Variants in ATXN10 observed in about 807,000 individuals in gnomAD.
The protein encoded by ATXN10 is ataxin-10.
A neutral mutation model predicts 52.9 loss-of-function variants in ATXN10; 28 were observed. That is an observed-to-expected ratio of 0.53 (90% CI 0.39 to 0.73). The LOEUF (loss-of-function observed/expected upper bound fraction) is 0.73. ATXN10 is among the 30% of genes least tolerant of loss of function. The probability of loss-of-function intolerance (pLI) is 0.00; values close to 1 mark genes in which losing one functional copy is unlikely to be tolerated. For missense variants in ATXN10, 565 were observed against 577.0 expected, an observed-to-expected ratio of 0.98 and a Z score of 0.21; for synonymous variants, 226 against 221.5, an observed-to-expected ratio of 1.02 and a Z score of -0.18.
rs1216369224 is a variant in ATXN10 at position 45,783,658 on chromosome 22, A to G, written c.1174-23301A>G. Reference sequence around the variant, plus strand: ...CCCTTATCCCCACCCACATCCTGACATTGGTAAGAGCAGTACCTGTTTCTG... The same window carrying G: ...CCCTTATCCCCACCCACATCCTGACGTTGGTAAGAGCAGTACCTGTTTCTG... On this transcript the variant is annotated intron_variant, in intron 9 of 11. Coordinates refer to ENST00000252934, the MANE Select transcript of ATXN10 (RefSeq NM_013236.4). The surrounding 1 kb of genome is among the most constrained non-coding windows in gnomAD (Gnocchi z 5.0). 6.6e-6 allele frequency among the ~76,000 whole-genome samples: 1 copy of G among 152,152 alleles called. No individual in the cohort carries two copies. Among genetic ancestry groups the G allele is most frequent in the Non-Finnish European group, 1.5e-5 (1 of 68,024 alleles).
chr22:45,672,785 G>C (rs1405494330), intron 1 of ATXN10: 1 of 152,538 alleles, frequency 6.6e-6, no homozygotes, highest in Non-Finnish European at 1.5e-5. Context: ...CAGGCAAAAA[G>C]AGAAGGTGCC....
intron 3 of ATXN10, among the ~76,000 whole-genome samples, chr22:45,694,238 T>C (rs1319977460): frequency 6.6e-6 from 1 of 152,160 alleles, no homozygotes; most frequent in Non-Finnish European, 1.5e-5. Context: ...ATCTTTCCTT[T>C]GGACAGTGGT....
chr22:45,792,203 G>T lies in ATXN10; in HGVS notation c.1174-14756G>T, dbSNP rs565860280. Among the ~76,000 whole-genome samples the T allele has an allele frequency of 9.2e-5, 14 of 152,236 alleles. No individual in the cohort carries two copies. In the South Asian group the frequency reaches 2.9e-3, roughly 32 times the overall value. ...AGAAATTATTCTGAAAGAATTAGAAGATTCAATGATATAAATTAGATTAAG... is the reference window on the plus strand; with the variant it reads ...AGAAATTATTCTGAAAGAATTAGAATATTCAATGATATAAATTAGATTAAG... On this transcript the variant is annotated intron_variant, in intron 9 of 11. Transcript: ENST00000252934.
intron 9 of ATXN10, among the ~76,000 whole-genome samples, chr22:45,760,023 G>A (rs1192915109): frequency 6.6e-6 from 1 of 152,194 alleles, no homozygotes; most frequent in African/African-American, 2.4e-5. Flanking sequence ...AAAGGAAGGA[G>A]GAACAGGGGG....
rs1305513991 is a variant in ATXN10, at chr22:45,781,249, G to C, written c.1174-25710G>C. Among the ~76,000 whole-genome samples the C allele has an allele frequency of 6.6e-6, 1 of 152,138 alleles. No homozygotes were observed. Among genetic ancestry groups the C allele is most frequent in the Non-Finnish European group, 1.5e-5 (1 of 68,024 alleles). On this transcript the variant is annotated intron_variant, in intron 9 of 11. Coordinates refer to ENST00000252934, the MANE Select transcript of ATXN10 (RefSeq NM_013236.4). The surrounding 1 kb of genome is among the most constrained non-coding windows in gnomAD (Gnocchi z 4.2). ...ACCCCTGCTAGGTGGTGTCAGAGAA[G>C]ATGGAGCTGGGAGCCAGGTTTTTAT...
rs1601588744 is a variant in ATXN10, at chr22:45,687,824, G to C, written c.117-1888G>C. ...ACCTGTAATCCCAGCACTTTGGGAG[G>C]CCGAGGTAGGCAGATCACGAGATCG... On this transcript the variant is annotated intron_variant, in intron 1 of 11. Transcript: ENST00000252934. Among the ~76,000 whole-genome samples, 3 of 152,310 alleles carry C rather than the reference G, an allele frequency of 2.0e-5. No individual in the cohort carries two copies. In the East Asian group the frequency reaches 5.8e-4, roughly 29 times the overall value.
chr22:45,745,156 G>A (rs143001065), intron 9 of ATXN10, among the ~76,000 whole-genome samples: 127 of 152,276 alleles, frequency 8.3e-4, no homozygotes, highest in East Asian at 2.3e-3. Flanking sequence ...CATGAAGAAA[G>A]CATTCTTCAG....
At chr22:45,785,274 A>T (rs894945235) in intron 9 of ATXN10, among the ~76,000 whole-genome samples, 17 of 152,154 alleles carry the variant, frequency 1.1e-4, no homozygotes, top group African/African-American at 4.1e-4. Flanking sequence ...TTCTTGATTC[A>T]TATTTTCTCC....
chr22:45,832,474 C>T (rs1929025968), intron 10 of ATXN10, among the ~76,000 whole-genome samples: 2 of 152,204 alleles, frequency 1.3e-5, no homozygotes, highest in Non-Finnish European at 2.9e-5. Flanking sequence ...CCCTCTTTCC[C>T]CAAGTTGTCC....
At position 45,819,769 on chromosome 22, in the gene ATXN10, C is replaced by T. The variant is rs540842814; in HGVS notation, c.1237+12747C>T. On this transcript the variant is annotated intron_variant, in intron 10 of 11. Transcript: ENST00000252934. This position sits in a 1 kb window ranked among gnomAD's most constrained non-coding sequence, Gnocchi z 4.5. ...AATTATTTGCCAATTTTTCTTTTTG[C>T]ATTAGATTAATTAAAAACAGCAGTG... 2.0e-5 allele frequency among the ~76,000 whole-genome samples: 3 copies of T among 152,194 alleles called. No individual in the cohort carries two copies. The highest frequency in any genetic ancestry group is 2.9e-5 in the Non-Finnish European group (2 of 67,996).
chr22:45,761,392 A>G (rs554410357), intron 9 of ATXN10, among the ~76,000 whole-genome samples: 1 of 152,356 alleles, frequency 6.6e-6, no homozygotes, highest in South Asian at 2.1e-4. Context: ...CCGGGCCCAC[A>G]GTGAGTGCTC....
At chr22:45,807,489 G>T (rs1928140495) in intron 10 of ATXN10, among the ~76,000 whole-genome samples, 1 of 152,222 alleles carries the variant, frequency 6.6e-6, no homozygotes, top group African/African-American at 2.4e-5. Flanking sequence ...GCAAGAGGAA[G>T]GAGCATCTCA....
chr22:45,694,723 A>C (rs576411933), intron 3 of ATXN10, among the ~76,000 whole-genome samples: 1 of 152,050 alleles, frequency 6.6e-6, no homozygotes, highest in African/African-American at 2.4e-5. Context: ...TGGAGGTTGT[A>C]GTGAGCCGAG....
intron 10 of ATXN10, among the ~76,000 whole-genome samples, chr22:45,807,861 G>A (rs1429763952): frequency 6.6e-6 from 1 of 152,194 alleles, no homozygotes; most frequent in Non-Finnish European, 1.5e-5. Context: ...GCGGGAGGCA[G>A]TGAGGAGCCT....
In ATXN10 at chr22:45,678,294, A is replaced by G. The variant is rs1013255731; in HGVS notation, c.116+6115A>G. On this transcript the variant is annotated intron_variant, in intron 1 of 11. Coordinates refer to ENST00000252934, the MANE Select transcript of ATXN10 (RefSeq NM_013236.4). The surrounding 1 kb of genome is among the most constrained non-coding windows in gnomAD (Gnocchi z 4.1). ...AATACAATGTACCAAAATCCATTTA[A>G]TTGTACGCTTTAAGTGGGTGACTTT... The G allele has an allele frequency of 5.9e-5, 9 of 152,216 alleles. No individual in the cohort carries two copies. Among genetic ancestry groups the G allele is most frequent in the African/African-American group, 2.2e-4 (9 of 41,440 alleles). The allele number at this position is 152,216 out of a possible 1,614,324, so 9.4% of individuals were successfully genotyped here.
rs982125225 is a variant in ATXN10, at chr22:45,780,270, G to C, written c.1174-26689G>C. Reference sequence around the variant, plus strand: ...AGCTAATTTTTGTATTTTTAGTAGAGATAGGGTTTCACCATGGTGGCCAGG... The same window carrying C: ...AGCTAATTTTTGTATTTTTAGTAGACATAGGGTTTCACCATGGTGGCCAGG... On this transcript the variant is annotated intron_variant, in intron 9 of 11. Coordinates refer to ENST00000252934, the MANE Select transcript of ATXN10 (RefSeq NM_013236.4). This position sits in a 1 kb window ranked among gnomAD's most constrained non-coding sequence, Gnocchi z 4.0. Among the ~76,000 whole-genome samples, 5 of 152,200 alleles carry C rather than the reference G, an allele frequency of 3.3e-5. No homozygotes were observed. The highest frequency in any genetic ancestry group is 1.2e-4 in the African/African-American group (5 of 41,452).
In ATXN10 at chr22:45,728,034, T is replaced by A. The variant is rs1373471243; in HGVS notation, c.729-1391T>A. Among the ~76,000 whole-genome samples, 1 of 152,072 alleles carries A rather than the reference T, an allele frequency of 6.6e-6. No individual in the cohort carries two copies. Among genetic ancestry groups the A allele is most frequent in the African/African-American group, 2.4e-5 (1 of 41,410 alleles). ...GTATTTGGTTTGTGATTTTTTTTTTTAATCCATTCTGCCAATCTGTATCTT... is the reference window on the plus strand; with the variant it reads ...GTATTTGGTTTGTGATTTTTTTTTTAAATCCATTCTGCCAATCTGTATCTT... On this transcript the variant is annotated intron_variant, in intron 6 of 11. Coordinates refer to ENST00000252934, the MANE Select transcript of ATXN10 (RefSeq NM_013236.4). This position sits in a 1 kb window ranked among gnomAD's most constrained non-coding sequence, Gnocchi z 4.3.
At position 45,774,326 on chromosome 22, in the gene ATXN10, C is replaced by T. The variant is rs1242816593; in HGVS notation, c.1174-32633C>T. Among the ~76,000 whole-genome samples, 2 of 152,242 alleles carry T rather than the reference C, an allele frequency of 1.3e-5. No homozygotes were observed. The highest frequency in any genetic ancestry group is 1.3e-4 in the Admixed American group (2 of 15,288). On this transcript the variant is annotated intron_variant, in intron 9 of 11. Transcript: ENST00000252934. The surrounding 1 kb of genome is among the most constrained non-coding windows in gnomAD (Gnocchi z 6.2). ...GCACCTGTCTGGAATGGCAGCCTGTCCCTACCAGTCCCTGCATCGCTATTT... is the reference window on the plus strand; with the variant it reads ...GCACCTGTCTGGAATGGCAGCCTGTTCCTACCAGTCCCTGCATCGCTATTT...
In ATXN10 at chr22:45,842,228, T is replaced by C. The variant is rs1929368570; in HGVS notation, c.1238-763T>C. On this transcript the variant is annotated intron_variant, in intron 10 of 11. Coordinates refer to ENST00000252934, the MANE Select transcript of ATXN10 (RefSeq NM_013236.4). This position sits in a 1 kb window ranked among gnomAD's most constrained non-coding sequence, Gnocchi z 4.8. ...GAACTACATATAATAGCTTAATGTT[T>C]GCATGAGGTTTACATGGCTCTTGGT... Among the ~76,000 whole-genome samples the C allele has an allele frequency of 6.6e-6, 1 of 152,166 alleles. No homozygotes were observed. The highest frequency in any genetic ancestry group is 6.5e-5 in the Admixed American group (1 of 15,280).
Sources: gnomAD v4.1 joint callset for allele counts (sites outside exome capture counted in the v4.1 genomes callset) on GRCh38, gnomAD v4.1.1 for gene constraint, Gnocchi (gnomAD v3.1) non-coding constraint, MANE v1.5 for transcripts, NCBI Gene and HGNC (gene_info 2026-07-23, HGNC 2026-07-21) for gene names.